Variants in POU2F3 observed in about 807,000 individuals in gnomAD.
POU2F3 encodes the protein POU class 2 homeobox 3, also known as POU domain, class 2, transcription factor 3.
Under a neutral mutation model 59.2 loss-of-function variants are expected in POU2F3, and 23 were observed. The observed-to-expected ratio is 0.39, with a 90% CI of 0.28 to 0.55. The LOEUF (loss-of-function observed/expected upper bound fraction) is 0.55. POU2F3 is among the 20% of genes least tolerant of loss of function. The pLI, the probability that POU2F3 is intolerant of heterozygous loss-of-function variation, is 0.66. For missense variants in POU2F3, 473 were observed against 544.5 expected, an observed-to-expected ratio of 0.87 and a Z score of 1.31; for synonymous variants, 190 against 214.6, an observed-to-expected ratio of 0.89 and a Z score of 1.00.
chr11:120,282,747 C>A (rs1940622331), intron 3 of POU2F3, among the ~76,000 whole-genome samples: 1 of 152,200 alleles, frequency 6.6e-6, no homozygotes, highest in South Asian at 2.1e-4. Flanking sequence ...CAAATATCAT[C>A]TATAGGCTTT....
chr11:120,263,669 C>T (rs968280160), intron 2 of POU2F3, among the ~76,000 whole-genome samples: 4 of 152,216 alleles, frequency 2.6e-5, no homozygotes, highest in Non-Finnish European at 5.9e-5. Context: ...GGTTCAGGTT[C>T]TCTGAGGCTA....
chr11:120,305,440 T>G, intron 7 of POU2F3: 1 of 939,046 alleles, frequency 1.1e-6, no homozygotes, highest in South Asian at 1.8e-5. Context: ...CCTGAGCACG[T>G]GGGCGTGGTC....
chr11:120,270,367 A>G (rs920089920), intron 3 of POU2F3, among the ~76,000 whole-genome samples: 2 of 152,186 alleles, frequency 1.3e-5, no homozygotes, highest in Admixed American at 1.3e-4. Flanking sequence ...AGCCTCATTT[A>G]TGTTTTACTA....
intron 3 of POU2F3, among the ~76,000 whole-genome samples, chr11:120,292,375 A>C (rs1399692828): frequency 1.3e-5 from 2 of 152,102 alleles, no homozygotes; most frequent in African/African-American, 4.8e-5. Flanking sequence ...CAAAAACAAA[A>C]ACAAAAAAAA....
chr11:120,271,229 A>G (rs1347970765), intron 3 of POU2F3, among the ~76,000 whole-genome samples: 1 of 152,230 alleles, frequency 6.6e-6, no homozygotes, highest in African/African-American at 2.4e-5. Flanking sequence ...TAAGTTAGCT[A>G]CAGAGAGGAA....
In POU2F3 at chr11:120,274,087, GAAA is replaced by G. The variant is rs1424914215; in HGVS notation, c.132+4844_132+4846del. On this transcript the variant is annotated intron_variant, in intron 3 of 12. Transcript: ENST00000543440. ...AGAGAAAGAAAGAAAAAGAGAGAAA[GAAA>G]GGAAGGAAGGAAGGAAGAAAGGAAG... Among the ~76,000 whole-genome samples, 714 of 104,652 alleles carry G rather than the reference GAAA, an allele frequency of 6.8e-3. 9 individuals carry two copies. The highest frequency in any genetic ancestry group is 0.027 in the African/African-American group (673 of 25,194). The allele number at this position is 104,652 out of a possible 152,430, so 68.7% of individuals were successfully genotyped here.
At chr11:120,309,803 G>C (rs1037592782) in intron 10 of POU2F3, among the ~76,000 whole-genome samples, 1 of 152,240 alleles carries the variant, frequency 6.6e-6, no homozygotes, top group African/African-American at 2.4e-5. Flanking sequence ...CCTGAAAAGG[G>C]TGTGTGAACA....
chr11:120,301,943 C>A (rs1007773422), intron 5 of POU2F3: 1 of 199,280 alleles, frequency 5.0e-6, no homozygotes, highest in Admixed American at 6.1e-5. Flanking sequence ...TGCATCCTTT[C>A]CCTTCTTGGT....
chr11:120,265,262 G>A (rs1591390397), intron 2 of POU2F3: 1 of 152,364 alleles, frequency 6.6e-6, no homozygotes, highest in South Asian at 2.1e-4. Flanking sequence ...ATGTCCCTAT[G>A]TCTCGGCCTA....
chr11:120,303,107 A>C (rs1371668770), intron 6 of POU2F3: 1 of 152,216 alleles, frequency 6.6e-6, no homozygotes, highest in Non-Finnish European at 1.5e-5. Context: ...GTTGGGAATG[A>C]CTGCAGAGAT....
Position 120,275,825 on chromosome 11 carries a change from A to C in POU2F3, c.132+6581A>C, listed in dbSNP as rs571361699. Among the ~76,000 whole-genome samples the C allele has an allele frequency of 1.2e-3, 189 of 152,280 alleles. 1 individual carries two copies. Among genetic ancestry groups the C allele is most frequent in the African/African-American group, 4.5e-3 (187 of 41,554 alleles). On this transcript the variant is annotated intron_variant, in intron 3 of 12. Transcript: ENST00000543440. ...ACACCTGCGCCAGCTCGTCCTGAGG[A>C]GTTGCCCTGGTGTGCCCTAGTGTAG...
intron 4 of POU2F3, 72 bp from the exon 5 acceptor site, chr11:120,299,552 A>G (rs926526186): frequency 2.2e-6 from 3 of 1,382,624 alleles, no homozygotes; most frequent in Admixed American, 1.8e-5. Flanking sequence ...GGGACGGACG[A>G]GTGGCAGGCA....
intron 9 of POU2F3, among the ~76,000 whole-genome samples, chr11:120,309,053 C>T (rs550119262): frequency 6.6e-6 from 1 of 151,152 alleles, no homozygotes; most frequent in East Asian, 2.0e-4. Context: ...ACTCTACCTG[C>T]CCCACATAAC....
chr11:120,290,297 C>T lies in POU2F3; in HGVS notation c.133-7968C>T, dbSNP rs35180326. On this transcript the variant is annotated intron_variant, in intron 3 of 12. Transcript: ENST00000543440. ...GATTCCCATTCAGACCTGTTGAAAA[C>T]TTCACTCTCAGTAACTATTTGGGCC... is the stretch of plus-strand genomic sequence containing the variant. Among the ~76,000 whole-genome samples the T allele has an allele frequency of 7.7e-3, 1,178 of 152,332 alleles. 7 individuals are homozygous for T. The highest frequency in any genetic ancestry group is 0.044 in the Middle Eastern group (13 of 294).
chr11:120,248,121 G>C (rs1260323909), intron 2 of POU2F3, among the ~76,000 whole-genome samples: 1 of 152,210 alleles, frequency 6.6e-6, no homozygotes, highest in East Asian at 1.9e-4. Flanking sequence ...CTATCTGGGA[G>C]CTATATATAA....
At position 120,240,253 on chromosome 11, in the gene POU2F3, G is replaced by C; in HGVS notation, c.-91G>C. On this transcript the variant is annotated 5_prime_UTR_variant, in exon 1 of 13. Transcript: ENST00000543440. The stretch of plus-strand genomic sequence containing the variant: ...CCGCGGCGGCGGCGGCCGGGAACTG[G>C]AGGAAGGAGACCCTGGCTTCGCAGG... The C allele has an allele frequency of 1.1e-5, 14 of 1,261,798 alleles. No homozygotes were observed. Among genetic ancestry groups the C allele is most frequent in the Non-Finnish European group, 1.3e-5 (13 of 996,512 alleles). The allele number at this position is 1,261,798 out of a possible 1,614,324, so 78.2% of individuals were successfully genotyped here.
At chr11:120,246,256 G>A (rs543325203) in intron 1 of POU2F3, among the ~76,000 whole-genome samples, 193 bp from the exon 2 acceptor site, 2 of 152,230 alleles carry the variant, frequency 1.3e-5, no homozygotes, top group South Asian at 4.2e-4. Context: ...GAGAGGAGGC[G>A]AGCATGGGAG....
intron 10 of POU2F3, among the ~76,000 whole-genome samples, chr11:120,311,581 G>A (rs980740389): frequency 2.0e-5 from 3 of 152,198 alleles, no homozygotes; most frequent in African/African-American, 4.8e-5. Flanking sequence ...AGAAAAGCAG[G>A]AGGAGATGGC....
intron 2 of POU2F3, among the ~76,000 whole-genome samples, chr11:120,260,400 A>G (rs915980062): frequency 2.0e-5 from 3 of 152,224 alleles, no homozygotes; most frequent in African/African-American, 7.2e-5. Context: ...CACGGTGTCC[A>G]CAGATGCCAA....
Sources: gnomAD v4.1 joint callset for allele counts (sites outside exome capture counted in the v4.1 genomes callset) on GRCh38, gnomAD v4.1.1 for gene constraint, MANE v1.5 for transcripts, NCBI Gene and HGNC (gene_info 2026-07-23, HGNC 2026-07-21) for gene names.